The following LPIN2 variants were observed in gnomAD, a reference collection of about 807,000 sequenced individuals.
LPIN2 encodes lipin 2.
LPIN2 carries 55 observed loss-of-function variants against 111.4 expected under a neutral mutation model. That is an observed-to-expected ratio of 0.49 (90% CI 0.40 to 0.62). The LOEUF is 0.62. Ranked by LOEUF, LPIN2 falls within the 20% of genes least tolerant of loss-of-function variation. The pLI is 0.00. For missense variants in LPIN2, 992 were observed against 1,112.1 expected, an observed-to-expected ratio of 0.89 and a Z score of 1.54; for synonymous variants, 425 against 414.0, an observed-to-expected ratio of 1.03 and a Z score of -0.32.
chr18:2,978,202 T>TA (rs1181157206), intron 1 of LPIN2, among the ~76,000 whole-genome samples: 23 of 144,742 alleles, frequency 1.6e-4, no homozygotes, highest in Non-Finnish European at 1.5e-4. Flanking sequence ...AAATAAAAAA[T>TA]AAAAAAAAAA....
chr18:2,927,955 C>T (rs1481789388), intron 11 of LPIN2, 144 bp from the exon 12 acceptor site: 3 of 749,694 alleles, frequency 4.0e-6, no homozygotes, highest in East Asian at 2.6e-5. Context: ...ATTCCTCTAG[C>T]GTTTTTAACA....
intron 4 of LPIN2, among the ~76,000 whole-genome samples, chr18:2,943,752 T>C (rs2077401783): frequency 6.6e-6 from 1 of 152,198 alleles, no homozygotes; most frequent in Non-Finnish European, 1.5e-5. Flanking sequence ...TCCATGTGGG[T>C]CCAACTTTCA....
At chr18:3,008,879 GTTT>G (rs76748358) in intron 1 of LPIN2, among the ~76,000 whole-genome samples, 5 of 123,286 alleles carry the variant, frequency 4.1e-5, no homozygotes, top group African/African-American at 1.3e-4. Flanking sequence ...CCACAGCTGT[GTTT>G]TTTTTTTTTT....
intron 1 of LPIN2, chr18:2,990,679 G>A (rs944869957): frequency 3.6e-6 from 1 of 280,890 alleles, no homozygotes; most frequent in Non-Finnish European, 7.2e-6. Flanking sequence ...CCTCATCCAT[G>A]ACTCTCCATT....
intron 7 of LPIN2, among the ~76,000 whole-genome samples, chr18:2,934,810 T>A (rs764461357): frequency 2.6e-5 from 4 of 152,224 alleles, no homozygotes; most frequent in African/African-American, 7.2e-5. Flanking sequence ...AACGAGGGCA[T>A]TACTCTAAAA....
At chr18:2,926,656 A>G (rs750768247) in intron 13 of LPIN2, 67 bp downstream of exon 13, 6 of 1,393,254 alleles carry the variant, frequency 4.3e-6, no homozygotes, top group Non-Finnish European at 6.0e-6. Flanking sequence ...GCCAAAATCA[A>G]CTTAGAAGTA....
At chr18:2,940,408 T>G (rs1598544553) in intron 5 of LPIN2, among the ~76,000 whole-genome samples, 197 bp downstream of exon 5, 1 of 152,216 alleles carries the variant, frequency 6.6e-6, no homozygotes, top group Non-Finnish European at 1.5e-5. Flanking sequence ...TGGCCAACAC[T>G]GTTAGAGTAA....
chr18:3,004,983 C>A (rs9965612), intron 1 of LPIN2, among the ~76,000 whole-genome samples: 8,789 of 148,970 alleles, frequency 0.059, 456 homozygotes, highest in East Asian at 0.27. Flanking sequence ...ACATAAATAA[C>A]CCAGAGAAAC....
intron 9 of LPIN2, among the ~76,000 whole-genome samples, chr18:2,929,724 G>A (rs561579355): frequency 1.1e-4 from 16 of 152,218 alleles, no homozygotes; most frequent in East Asian, 5.8e-4. Flanking sequence ...TGGCCAATAC[G>A]GTGAAAACCC....
At position 2,931,190 on chromosome 18, in the gene LPIN2, A is replaced by G. The variant is rs865787969; in HGVS notation, c.1456+66T>C. On this transcript the variant is annotated intron_variant, in intron 9 of 19. Coordinates refer to ENST00000677752, the MANE Select transcript of LPIN2 (RefSeq NM_001375808.2). ...AATATCCTGAAATGGCTACACGGTAAGTTTTAACCAAGTGATGACCAGATT... is the reference window on the plus strand; with the variant it reads ...AATATCCTGAAATGGCTACACGGTAGGTTTTAACCAAGTGATGACCAGATT... The G allele has an allele frequency of 1.2e-4, 180 of 1,535,776 alleles. 1 individual carries two copies. The Middle Eastern group carries it at 2.5e-3, about 22-fold the overall frequency.
chr18:2,921,098 G>A (rs2077047337), intron 18 of LPIN2: 3 of 612,992 alleles, frequency 4.9e-6, no homozygotes, highest in Non-Finnish European at 5.8e-6. Context: ...CCAAGGGGAA[G>A]CCAGGGTCCC....
At chr18:2,979,482 T>C (rs1339756231) in intron 1 of LPIN2, among the ~76,000 whole-genome samples, 1 of 152,158 alleles carries the variant, frequency 6.6e-6, no homozygotes, top group Admixed American at 6.5e-5. Context: ...AAAAATTGAT[T>C]TACATGCATC....
At chr18:2,992,899 T>C (rs905411502) in intron 1 of LPIN2, among the ~76,000 whole-genome samples, 1 of 144,586 alleles carries the variant, frequency 6.9e-6, no homozygotes, top group Non-Finnish European at 1.5e-5. Flanking sequence ...GGCAGGAGAA[T>C]GGCGTGAACC....
At chr18:2,947,993 C>G (rs1053603603) in intron 4 of LPIN2, among the ~76,000 whole-genome samples, 13 of 152,200 alleles carry the variant, frequency 8.5e-5, no homozygotes, top group African/African-American at 2.9e-4. Context: ...GATGAAGAGG[C>G]TACTGTTCTA....
rs141819258 is a variant in LPIN2, at chr18:2,986,978, G to A, written c.-10+26109C>T. On this transcript the variant is annotated intron_variant, in intron 1 of 19. Coordinates refer to ENST00000677752, the MANE Select transcript of LPIN2 (RefSeq NM_001375808.2). The stretch of plus-strand genomic sequence containing the variant: ...CAGTTGCTTGACAGGGGTGGAGGTC[G>A]GGGGTGAAGAGGGGGCCTGTTAATT... Among the ~76,000 whole-genome samples the A allele has an allele frequency of 7.3e-3, 1,115 of 152,234 alleles. 21 individuals are homozygous for A. Among genetic ancestry groups the A allele is most frequent in the African/African-American group, 0.026 (1,064 of 41,532 alleles).
chr18:2,957,062 C>A (rs560522209), intron 2 of LPIN2, among the ~76,000 whole-genome samples: 248 of 152,288 alleles, frequency 1.6e-3, no homozygotes, highest in African/African-American at 5.4e-3. Flanking sequence ...TTAAAAATAA[C>A]CCCTCATTTC....
intron 1 of LPIN2, among the ~76,000 whole-genome samples, chr18:2,979,472 A>C (rs2078073626): frequency 1.3e-5 from 2 of 152,192 alleles, no homozygotes; most frequent in Non-Finnish European, 2.9e-5. Context: ...GCAAACAAAA[A>C]AAAATTGATT....
At chr18:2,931,972 G>A (rs541644551) in intron 8 of LPIN2, among the ~76,000 whole-genome samples, 2 of 152,044 alleles carry the variant, frequency 1.3e-5, no homozygotes, top group African/African-American at 4.8e-5. Flanking sequence ...GAAATTAAAC[G>A]AGCAAATTCT....
At chr18:2,989,979 T>C (rs1190428074) in intron 1 of LPIN2, among the ~76,000 whole-genome samples, 2 of 150,500 alleles carry the variant, frequency 1.3e-5, no homozygotes, top group Non-Finnish European at 3.0e-5. Flanking sequence ...AAAACAGACA[T>C]ACAGACCAAT....
Sources: allele counts gnomAD v4.1 joint callset (sites outside exome capture counted in the v4.1 genomes callset), GRCh38; gene constraint gnomAD v4.1.1; transcripts MANE v1.5; gene names NCBI Gene and HGNC (gene_info 2026-07-23, HGNC 2026-07-21).